IPO8: variants seen among roughly 807,000 people sequenced by gnomAD.
IPO8 encodes importin-8.
A neutral mutation model predicts 141.2 loss-of-function variants in IPO8; 65 were observed. That is an observed-to-expected ratio of 0.46 (90% CI 0.38 to 0.57). The LOEUF is 0.57. Ranked by LOEUF, IPO8 falls within the 20% of genes least tolerant of loss-of-function variation. The pLI is 0.00. For synonymous variants in IPO8, 411 were observed against 420.3 expected, an observed-to-expected ratio of 0.98 and a Z score of 0.27; for missense variants, 980 against 1,246.8, an observed-to-expected ratio of 0.79 and a Z score of 3.22.
intron 10 of IPO8, among the ~76,000 whole-genome samples, chr12:30,668,339 T>C (rs1365490285): frequency 6.6e-6 from 1 of 152,158 alleles, no homozygotes; most frequent in Non-Finnish European, 1.5e-5. Context: ...ACCAGTAGGT[T>C]TAGCTTACGT....
chr12:30,662,202 T>A, intron 15 of IPO8, 125 bp downstream of exon 15: 2 of 698,888 alleles, frequency 2.9e-6, no homozygotes, highest in Non-Finnish European at 4.9e-6. Context: ...ATGCAATCTG[T>A]CATTGACTGA....
chr12:30,680,223 G>A, intron 5 of IPO8: 1 of 302,088 alleles, frequency 3.3e-6, no homozygotes, highest in South Asian at 8.1e-5. Flanking sequence ...AGGTTTTAGA[G>A]CAGGTAGGTT....
At chr12:30,693,740 T>C (rs554000945) in intron 1 of IPO8, among the ~76,000 whole-genome samples, 72 of 152,324 alleles carry the variant, frequency 4.7e-4, no homozygotes, top group Admixed American at 2.7e-3. Context: ...ATATAAATTA[T>C]AAATGCTAAA....
At chr12:30,638,392 T>C (rs1159115115) in intron 21 of IPO8, among the ~76,000 whole-genome samples, 1 of 152,162 alleles carries the variant, frequency 6.6e-6, no homozygotes, top group Non-Finnish European at 1.5e-5. Flanking sequence ...AGCTTGTAAA[T>C]ATGTTCCCCC....
intron 1 of IPO8, among the ~76,000 whole-genome samples, chr12:30,694,497 C>T (rs1202512044): frequency 6.6e-6 from 1 of 152,166 alleles, no homozygotes; most frequent in African/African-American, 2.4e-5. Context: ...CCAACAGAAA[C>T]ATTTACTTAG....
Position 30,695,088 on chromosome 12 carries a change from A to C in IPO8, c.84+476T>G. ...CCGCAAAACTCGGCCAATCGGTGTC[A>C]AAACAGTCCTGCCAACCCGACAGGA... On this transcript the variant is annotated intron_variant, in intron 1 of 24. Coordinates refer to ENST00000256079, the MANE Select transcript of IPO8 (RefSeq NM_006390.4). The surrounding 1 kb of genome is among the most constrained non-coding windows in gnomAD (Gnocchi z 4.2). 1 of 453,324 alleles carries C rather than the reference A, an allele frequency of 2.2e-6. No homozygotes were observed. The highest frequency in any genetic ancestry group is 4.4e-6 in the Non-Finnish European group (1 of 226,092). 28.1% of individuals were successfully genotyped at this position (453,324 alleles called of 1,614,324 possible).
chr12:30,656,857 G>C (rs79981231), intron 16 of IPO8, 107 bp from the exon 17 acceptor site: 7,262 of 522,492 alleles, frequency 0.014, 97 homozygotes, highest in Non-Finnish European at 0.016. Context: ...ACGGTAACTT[G>C]ACAATTCTAA....
chr12:30,641,513 T>TTC (rs2052574998), intron 20 of IPO8, among the ~76,000 whole-genome samples: 1 of 145,954 alleles, frequency 6.9e-6, no homozygotes, highest in Non-Finnish European at 1.5e-5. Context: ...TTTTTTTTTC[T>TTC]TTTTTGGAGA....
intron 1 of IPO8, among the ~76,000 whole-genome samples, chr12:30,692,317 A>C (rs1040978255): frequency 5.9e-5 from 9 of 152,012 alleles, no homozygotes; most frequent in Non-Finnish European, 1.2e-4. Context: ...AGATTTTGAA[A>C]CTCCTCTTTT....
rs543759516 is a variant in IPO8, at chr12:30,664,292, C to T, written c.1429-638G>A. 1.2e-4 allele frequency among the ~76,000 whole-genome samples: 19 copies of T among 152,264 alleles called. No individual in the cohort carries two copies. The East Asian group carries it at 3.7e-3, about 29-fold the overall frequency. ...TCATGTGCCCTCAGCGTCCCTAGTC[C>T]ACATTTGCCCAGATATTGCGCTAGT... On this transcript the variant is annotated intron_variant, in intron 13 of 24. Transcript: ENST00000256079.
intron 17 of IPO8, among the ~76,000 whole-genome samples, chr12:30,654,524 GAAAGA>G (rs2052772316): frequency 1.3e-5 from 2 of 151,728 alleles, no homozygotes; most frequent in Non-Finnish European, 2.9e-5. Flanking sequence ...CCATTCAGTA[GAAAGA>G]AAATAACCCA....
intron 20 of IPO8, among the ~76,000 whole-genome samples, chr12:30,640,910 T>C (rs2052566436): frequency 6.6e-6 from 1 of 152,210 alleles, no homozygotes; most frequent in Admixed American, 6.5e-5. Context: ...GATATGCTAA[T>C]TACCCTGATC....
intron 20 of IPO8, among the ~76,000 whole-genome samples, chr12:30,644,640 G>GT (rs796136798): frequency 0.024 from 2,114 of 89,470 alleles, 35 homozygotes; most frequent in East Asian, 0.061. Context: ...GCTTTTTGGT[G>GT]TTTTTTTTTT....
At chr12:30,660,096 A>G (rs1191062834) in intron 16 of IPO8, among the ~76,000 whole-genome samples, 1 of 151,732 alleles carries the variant, frequency 6.6e-6, no homozygotes, top group Non-Finnish European at 1.5e-5. Flanking sequence ...GATGGTACAC[A>G]CCTGTAGTCC....
intron 1 of IPO8, among the ~76,000 whole-genome samples, chr12:30,690,883 T>C (rs1306197608): frequency 1.3e-5 from 2 of 152,214 alleles, no homozygotes; most frequent in Non-Finnish European, 2.9e-5. Flanking sequence ...TCCATCTATC[T>C]AATACAGGTA....
chr12:30,635,607 G>A (rs1413880401), intron 22 of IPO8, among the ~76,000 whole-genome samples: 1 of 152,000 alleles, frequency 6.6e-6, no homozygotes, highest in Non-Finnish European at 1.5e-5. Flanking sequence ...GAACAGGAAG[G>A]CAGTAAATGC....
intron 5 of IPO8, 112 bp downstream of exon 5, chr12:30,680,370 A>T: frequency 1.3e-6 from 1 of 772,844 alleles, no homozygotes; most frequent in Non-Finnish European, 2.0e-6. Flanking sequence ...TTAAAGAAAT[A>T]TATGGGATAA....
In IPO8 at chr12:30,695,813, G is replaced by A; in HGVS notation, c.-166C>T. On this transcript the variant is annotated 5_prime_UTR_variant, in exon 1 of 25. Coordinates refer to ENST00000256079, the MANE Select transcript of IPO8 (RefSeq NM_006390.4). This position sits in a 1 kb window ranked among gnomAD's most constrained non-coding sequence, Gnocchi z 4.2. Reference sequence around the variant, plus strand: ...CCACTTGCTGCGCCACTCTGACTCCGCGCCCCCTGTCCTCCCTTTTTCCCC... The same window carrying A: ...CCACTTGCTGCGCCACTCTGACTCCACGCCCCCTGTCCTCCCTTTTTCCCC... 1 of 546,404 alleles carries A rather than the reference G, an allele frequency of 1.8e-6. No homozygotes were observed. The highest frequency in any genetic ancestry group is 3.2e-6 in the Non-Finnish European group (1 of 314,224). The allele number at this position is 546,404 out of a possible 1,614,324, so 33.8% of individuals were successfully genotyped here.
intron 17 of IPO8, among the ~76,000 whole-genome samples, chr12:30,655,558 C>T (rs1319505182): frequency 6.6e-6 from 1 of 152,096 alleles, no homozygotes; most frequent in East Asian, 1.9e-4. Flanking sequence ...CCACTTCCTG[C>T]TAACTAAATT....
Sources: gnomAD v4.1 joint callset for allele counts (sites outside exome capture counted in the v4.1 genomes callset) on GRCh38, gnomAD v4.1.1 for gene constraint, Gnocchi (gnomAD v3.1) non-coding constraint, MANE v1.5 for transcripts, NCBI Gene and HGNC (gene_info 2026-07-23, HGNC 2026-07-21) for gene names.